JHY: variants seen among roughly 807,000 people sequenced by gnomAD.
The protein encoded by JHY is jhy protein homolog.
JHY carries 69 observed loss-of-function variants against 78.0 expected under a neutral mutation model. The observed-to-expected ratio is 0.88, with a 90% CI of 0.73 to 1.08. JHY has a LOEUF of 1.08. Ranked by LOEUF, JHY falls within the 50% of genes least tolerant of loss-of-function variation. The pLI, the probability that JHY is intolerant of heterozygous loss-of-function variation, is 0.00. For synonymous variants in JHY, 368 were observed against 342.6 expected, an observed-to-expected ratio of 1.07 and a Z score of -0.82; for missense variants, 944 against 927.8, an observed-to-expected ratio of 1.02 and a Z score of -0.23.
rs1036528487 is a variant in JHY, at chr11:122,935,325, C to T, written c.1634+250C>T. Among the ~76,000 whole-genome samples, 13 of 151,926 alleles carry T rather than the reference C, an allele frequency of 8.6e-5. No individual in the cohort carries two copies. The highest frequency in any genetic ancestry group is 2.0e-4 in the Admixed American group (3 of 15,250). On this transcript the variant is annotated intron_variant, in intron 5 of 8. Coordinates refer to ENST00000227349, the MANE Select transcript of JHY (RefSeq NM_024806.4). The surrounding 1 kb of genome is among the most constrained non-coding windows in gnomAD (Gnocchi z 4.5). Reference sequence around the variant, plus strand: ...TCTTGGCTCATTGCAACCTCCGCCTCCCGAGCTCAAGCAATTCTCCTGGCC... The same window carrying T: ...TCTTGGCTCATTGCAACCTCCGCCTTCCGAGCTCAAGCAATTCTCCTGGCC...
At chr11:122,922,691 T>TC (rs1389146925) in intron 3 of JHY, among the ~76,000 whole-genome samples, 2 of 151,492 alleles carry the variant, frequency 1.3e-5, no homozygotes, top group Non-Finnish European at 2.9e-5. Context: ...GTGCCTGTAG[T>TC]CCCAGCTACT....
At chr11:122,948,414 G>A (rs1316724654) in intron 6 of JHY, among the ~76,000 whole-genome samples, 1 of 149,882 alleles carries the variant, frequency 6.7e-6, no homozygotes, top group Non-Finnish European at 1.5e-5. Flanking sequence ...TTTCACTACA[G>A]CCTGGGCAAC....
At chr11:122,922,539 C>T (rs879838696) in intron 3 of JHY, among the ~76,000 whole-genome samples, 76 of 150,458 alleles carry the variant, frequency 5.1e-4, no homozygotes, top group Non-Finnish European at 6.2e-4. Context: ...AGGCTGGGCA[C>T]GGTGGCTCAC....
rs769197966 is a variant in JHY, at chr11:122,904,313, G to C, written c.733G>C (p.Gly245Arg). The C allele has an allele frequency of 1.9e-5, 30 of 1,614,092 alleles. No homozygotes were observed. Among genetic ancestry groups the C allele is most frequent in the Non-Finnish European group, 2.5e-5 (29 of 1,180,018 alleles). Residue 245 changes from glycine to arginine, a missense_variant, in exon 3 of 9, where the codon GGC becomes CGC. Coordinates refer to ENST00000227349, the MANE Select transcript of JHY (RefSeq NM_024806.4). ...CGAGGTTTTCCTGCCGGGATCACGT[G>C]GCCCTCGGCGAAGGAAATCCAAACA... ...HNEVFLPGSR[G>R]PRRRKSKQHF...
intron 3 of JHY, among the ~76,000 whole-genome samples, chr11:122,924,580 C>T (rs192253053): frequency 5.6e-4 from 86 of 152,216 alleles, no homozygotes; most frequent in African/African-American, 1.9e-3. Context: ...TGTGATCAAA[C>T]GTTACTTGCT....
At chr11:122,892,715 T>C (rs1199839906) in intron 2 of JHY, among the ~76,000 whole-genome samples, 2 of 152,172 alleles carry the variant, frequency 1.3e-5, no homozygotes, top group East Asian at 3.9e-4. Context: ...AGGTGAAGTA[T>C]TGAATGATGA....
chr11:122,959,710 T>TG lies in JHY; in HGVS notation c.*266dup, dbSNP rs11446937. 195,532 of 365,196 alleles carry TG rather than the reference T, an allele frequency of 0.54. 53,913 individuals carry two copies. The highest frequency in any genetic ancestry group is 0.6 in the Middle Eastern group (760 of 1,264). The allele number at this position is 365,196 out of a possible 1,614,324, so 22.6% of individuals were successfully genotyped here. On this transcript the variant is annotated 3_prime_UTR_variant, in exon 9 of 9. Transcript: ENST00000227349. ...AATAATAACTAGAGAATAAAGCTTTTGTTTTATATTGATCTTTTGATTTCT... is the reference window on the plus strand; with the variant it reads ...AATAATAACTAGAGAATAAAGCTTTTGGTTTTATATTGATCTTTTGATTTCT...
chr11:122,931,356 A>G (rs753044826), intron 4 of JHY, among the ~76,000 whole-genome samples: 2 of 152,228 alleles, frequency 1.3e-5, no homozygotes, highest in Non-Finnish European at 2.9e-5. Flanking sequence ...AGGACCTTTT[A>G]CTTATTAATA....
At position 122,904,546 on chromosome 11, in the gene JHY, A is replaced by G. The variant is rs1862945841; in HGVS notation, c.864+102A>G. ...GCTTCCTTTAAGATGACGATGTCAT[A>G]GCAGCCACCTAGCTGGGTAAAACAA... On this transcript the variant is annotated intron_variant, in intron 3 of 8. Transcript: ENST00000227349. The G allele has an allele frequency of 2.3e-6, 3 of 1,309,924 alleles. No homozygotes were observed. The Admixed American group carries it at 6.7e-5, about 29-fold the overall frequency. The allele number at this position is 1,309,924 out of a possible 1,614,324, so 81.1% of individuals were successfully genotyped here. A position where few individuals can be genotyped will look rare whatever the true frequency, so the allele number is the denominator to read the frequency against.
intron 3 of JHY, among the ~76,000 whole-genome samples, chr11:122,904,941 C>A (rs1367516269): frequency 6.6e-6 from 1 of 152,120 alleles, no homozygotes; most frequent in African/African-American, 2.4e-5. Flanking sequence ...CCCCAGCTCA[C>A]ATACAGAAGC....
At chr11:122,955,245 C>G in intron 6 of JHY, among the ~76,000 whole-genome samples, 1 of 152,064 alleles carries the variant, frequency 6.6e-6, no homozygotes. Context: ...CTCAGCCCCC[C>G]GAGTAGCTGG....
chr11:122,890,614 T>C (rs749160020), intron 2 of JHY, among the ~76,000 whole-genome samples: 62 of 152,216 alleles, frequency 4.1e-4, no homozygotes, highest in Admixed American at 1.4e-3. Context: ...TTTCTCCTTT[T>C]GTCCAGTGCT....
At chr11:122,949,006 C>T (rs910446055) in intron 6 of JHY, among the ~76,000 whole-genome samples, 3 of 151,916 alleles carry the variant, frequency 2.0e-5, no homozygotes, top group African/African-American at 7.3e-5. Context: ...ATTGCTTGAA[C>T]CTGGGAGATG....
chr11:122,913,960 A>T (rs1863182857), intron 3 of JHY, among the ~76,000 whole-genome samples: 1 of 152,226 alleles, frequency 6.6e-6, no homozygotes, highest in East Asian at 1.9e-4. Flanking sequence ...GGGGATTAAC[A>T]AGAACTTGTG....
At chr11:122,911,963 T>C (rs1476552302) in intron 3 of JHY, among the ~76,000 whole-genome samples, 1 of 138,500 alleles carries the variant, frequency 7.2e-6, no homozygotes, top group East Asian at 2.3e-4. Flanking sequence ...GAGAATAAAG[T>C]CCTTTATTTA....
intron 3 of JHY, among the ~76,000 whole-genome samples, chr11:122,915,003 G>C (rs1333236521): frequency 1.3e-5 from 2 of 151,764 alleles, no homozygotes; most frequent in Non-Finnish European, 2.9e-5. Flanking sequence ...ATGATCTATA[G>C]AGTGACACTT....
rs1355853207 is a variant in JHY at position 122,963,717 on chromosome 11, A to G, written c.*4272A>G. Among the ~76,000 whole-genome samples the G allele has an allele frequency of 6.6e-6, 1 of 152,204 alleles. No homozygotes were observed. Among genetic ancestry groups the G allele is most frequent in the Non-Finnish European group, 1.5e-5 (1 of 68,012 alleles). ...TTCAAAAGCAAAAAATAATCTGCCA[A>G]TTAGAAAACAAAAAACTTCAAACTT... On this transcript the variant is annotated 3_prime_UTR_variant, in exon 9 of 9. Transcript: ENST00000227349.
intron 6 of JHY, 97 bp from the exon 7 acceptor site, chr11:122,956,399 T>C: frequency 1.0e-6 from 1 of 977,596 alleles, no homozygotes; most frequent in East Asian, 2.6e-5. Flanking sequence ...CATTATTTTC[T>C]TTCTTACTTT....
intron 3 of JHY, 104 bp from the exon 4 acceptor site, chr11:122,924,792 AC>A: frequency 1.3e-6 from 1 of 785,480 alleles, no homozygotes; most frequent in Non-Finnish European, 2.1e-6. Flanking sequence ...TGAAAATAAA[AC>A]CTAGCCCAGC....
Sources: gnomAD v4.1 joint callset for allele counts (sites outside exome capture counted in the v4.1 genomes callset) on GRCh38, gnomAD v4.1.1 for gene constraint, Gnocchi (gnomAD v3.1) non-coding constraint, MANE v1.5 for transcripts, NCBI Gene and HGNC (gene_info 2026-07-23, HGNC 2026-07-21) for gene names.